The following PTCD2 variants were observed in gnomAD, a reference collection of about 807,000 sequenced individuals.
The protein encoded by PTCD2 is pentatricopeptide repeat domain 2, also known as pentatricopeptide repeat-containing protein 2, mitochondrial.
In PTCD2, 31 loss-of-function variants were observed where a neutral mutation model predicts 42.6. That is an observed-to-expected ratio of 0.73 (90% CI 0.55 to 0.98). The LOEUF (loss-of-function observed/expected upper bound fraction) is 0.98, where lower values mean the gene tolerates loss of function less well. Among genes scored for constraint, PTCD2 ranks in the 50% least tolerant of loss-of-function variants. The pLI, the probability that PTCD2 is intolerant of heterozygous loss-of-function variation, is 0.00. For synonymous variants in PTCD2, 183 were observed against 170.9 expected, an observed-to-expected ratio of 1.07 and a Z score of -0.55; for missense variants, 476 against 454.8, an observed-to-expected ratio of 1.05 and a Z score of -0.42.
intron 1 of PTCD2, chr5:72,321,278 A>G (rs997610694): frequency 8.5e-5 from 13 of 152,248 alleles, no homozygotes; most frequent in African/African-American, 3.1e-4. Context: ...TTTGTCAGGC[A>G]TTACTTTAAT....
chr5:72,342,125 G>T (rs1403060237), intron 7 of PTCD2, among the ~76,000 whole-genome samples: 1 of 151,908 alleles, frequency 6.6e-6, no homozygotes, highest in Non-Finnish European at 1.5e-5. Flanking sequence ...TTTTAGACCG[G>T]TCATTTGTAG....
rs2112264074 is a variant in PTCD2 at position 72,366,605 on chromosome 5, AG to A, written c.*8179del. 6.6e-6 allele frequency: 1 copy of A among 152,346 alleles called. No homozygotes were observed. The highest frequency in any genetic ancestry group is 2.4e-5 in the African/African-American group (1 of 41,578). The allele number at this position is 152,346 out of a possible 1,614,324, so 9.4% of individuals were successfully genotyped here. ...TTTTTAAAAGGTGCTAGTTTTCAAA[AG>A]CATTTCTGGAATTCAGAGAGAACAG... On this transcript the variant is annotated 3_prime_UTR_variant, in exon 10 of 10. Transcript: ENST00000380639.
intron 8 of PTCD2, among the ~76,000 whole-genome samples, chr5:72,351,545 A>C (rs1034683903): frequency 6.6e-6 from 1 of 152,214 alleles, no homozygotes; most frequent in African/African-American, 2.4e-5. Context: ...AAAGGAAAGA[A>C]GTTTAATTGA....
Position 72,366,160 on chromosome 5 carries a change from G to A in PTCD2, c.*7733G>A, listed in dbSNP as rs1032090105. On this transcript the variant is annotated 3_prime_UTR_variant, in exon 10 of 10. Transcript: ENST00000380639. ...GAACCTGGGAGACGGAGGTTACAGTGAGCCTAGACTGCGCCATTGCACTCT... is the reference window on the plus strand; with the variant it reads ...GAACCTGGGAGACGGAGGTTACAGTAAGCCTAGACTGCGCCATTGCACTCT... The A allele has an allele frequency of 1.3e-5, 2 of 152,172 alleles. No individual in the cohort carries two copies. Among genetic ancestry groups the A allele is most frequent in the African/African-American group, 2.4e-5 (1 of 41,436 alleles). The allele number at this position is 152,172 out of a possible 1,614,324, so 9.4% of individuals were successfully genotyped here. A position where few individuals can be genotyped will look rare whatever the true frequency, so the allele number is the denominator to read the frequency against.
At chr5:72,336,747 T>C (rs1008832864) in intron 6 of PTCD2, among the ~76,000 whole-genome samples, 1 of 151,890 alleles carries the variant, frequency 6.6e-6, no homozygotes, top group Admixed American at 6.6e-5. Flanking sequence ...TTATTATTAC[T>C]GTACCAGGAT....
chr5:72,352,843 TA>T, intron 9 of PTCD2, 89 bp downstream of exon 9: 1 of 679,490 alleles, frequency 1.5e-6, no homozygotes, highest in South Asian at 2.1e-5. Flanking sequence ...AAGCTTACCT[TA>T]AAGAAATTGC....
intron 3 of PTCD2, among the ~76,000 whole-genome samples, chr5:72,327,045 T>C (rs1336768668): frequency 1.3e-5 from 2 of 152,176 alleles, no homozygotes; most frequent in Non-Finnish European, 2.9e-5. Context: ...ACAAATTCAC[T>C]CCTCTTCTTC....
At chr5:72,330,732 C>T (rs191883254) in intron 3 of PTCD2, among the ~76,000 whole-genome samples, 10 of 152,176 alleles carry the variant, frequency 6.6e-5, no homozygotes, top group Non-Finnish European at 1.3e-4. Flanking sequence ...TTTGTTTAGC[C>T]AGGTGATCAT....
chr5:72,322,327 C>A, intron 2 of PTCD2, 63 bp downstream of exon 2: 1 of 1,024,774 alleles, frequency 9.8e-7, no homozygotes, highest in Non-Finnish European at 1.5e-6. Context: ...CTGTCTTTAT[C>A]CCTATTCAGT....
At chr5:72,347,226 A>G (rs972726183) in intron 8 of PTCD2, among the ~76,000 whole-genome samples, 5 of 152,222 alleles carry the variant, frequency 3.3e-5, no homozygotes, top group Admixed American at 6.5e-5. Context: ...GAGATGAAAA[A>G]GGTGCGTCTC....
In PTCD2 at chr5:72,360,082, G is replaced by T. The variant is rs369798949; in HGVS notation, c.*1655G>T. The T allele has an allele frequency of 6.6e-6, 1 of 152,010 alleles. No individual in the cohort carries two copies. Among genetic ancestry groups the T allele is most frequent in the South Asian group, 2.1e-4 (1 of 4,818 alleles). The allele number at this position is 152,010 out of a possible 1,614,324, so 9.4% of individuals were successfully genotyped here. A position where few individuals can be genotyped will look rare whatever the true frequency, so the allele number is the denominator to read the frequency against. ...TAAAAACAAATGAGTTCTTCCTTCTGCTCAAAAATATTGAATTTCTTGTCC... is the reference window on the plus strand; with the variant it reads ...TAAAAACAAATGAGTTCTTCCTTCTTCTCAAAAATATTGAATTTCTTGTCC... On this transcript the variant is annotated 3_prime_UTR_variant, in exon 10 of 10. Transcript: ENST00000380639.
chr5:72,358,485 T>C lies in PTCD2; in HGVS notation c.*58T>C. 7.7e-7 allele frequency: 1 copy of C among 1,297,186 alleles called. No individual in the cohort carries two copies. 80.4% of individuals were successfully genotyped at this position (1,297,186 alleles called of 1,614,324 possible). ...GCCTGCTTCTAGTGAGTTATTACCT[T>C]TCCTAAGAAGCCAGGTATCGCACTT... On this transcript the variant is annotated 3_prime_UTR_variant, in exon 10 of 10. Transcript: ENST00000380639.
intron 8 of PTCD2, among the ~76,000 whole-genome samples, chr5:72,349,066 T>C (rs541537307): frequency 6.6e-6 from 1 of 152,340 alleles, no homozygotes; most frequent in African/African-American, 2.4e-5. Context: ...CTGTACAAAT[T>C]AGAGCATTTA....
rs1753091865 is a variant in PTCD2 at position 72,361,385 on chromosome 5, GC to G, written c.*2959del. 6.6e-6 allele frequency: 1 copy of G among 152,198 alleles called. No individual in the cohort carries two copies. Among genetic ancestry groups the G allele is most frequent in the Non-Finnish European group, 1.5e-5 (1 of 68,054 alleles). 9.4% of individuals were successfully genotyped at this position (152,198 alleles called of 1,614,324 possible). A position where few individuals can be genotyped will look rare whatever the true frequency, so the allele number is the denominator to read the frequency against. On this transcript the variant is annotated 3_prime_UTR_variant, in exon 10 of 10. Transcript: ENST00000380639. Reference sequence around the variant, plus strand: ...CTCAAAGGCTTCCTTAGTATTTCTGGCAGTTGATGCTAGGACCTCAGCTAGT... The same window carrying G: ...CTCAAAGGCTTCCTTAGTATTTCTGGAGTTGATGCTAGGACCTCAGCTAGT...
At chr5:72,356,327 C>T (rs1752872507) in intron 9 of PTCD2, among the ~76,000 whole-genome samples, 1 of 152,190 alleles carries the variant, frequency 6.6e-6, no homozygotes, top group Admixed American at 6.5e-5. Context: ...ATATAAGACT[C>T]TTGTACTTAG....
At chr5:72,326,465 G>A in intron 2 of PTCD2, 147 bp from the exon 3 acceptor site, 1 of 761,334 alleles carries the variant, frequency 1.3e-6, no homozygotes, top group Non-Finnish European at 2.2e-6. Context: ...GAGGAGATTG[G>A]CCAGTGATGG....
chr5:72,321,815 T>C (rs1021804720), intron 1 of PTCD2, among the ~76,000 whole-genome samples: 2 of 152,154 alleles, frequency 1.3e-5, no homozygotes, highest in South Asian at 2.1e-4. Flanking sequence ...TTAAATGTTA[T>C]TAGTTTTTTT....
chr5:72,329,089 A>G (rs1458712323), intron 3 of PTCD2, among the ~76,000 whole-genome samples: 4 of 152,078 alleles, frequency 2.6e-5, no homozygotes, highest in African/African-American at 7.2e-5. Flanking sequence ...AAGCTATTCA[A>G]TGTTTATAAG....
chr5:72,352,850 A>G, intron 9 of PTCD2, 96 bp downstream of exon 9: 1 of 635,818 alleles, frequency 1.6e-6, no homozygotes, highest in East Asian at 2.9e-5. Context: ...CCTTAAAGAA[A>G]TTGCCAAATA....
Sources: gnomAD v4.1 joint callset for allele counts (sites outside exome capture counted in the v4.1 genomes callset) on GRCh38, gnomAD v4.1.1 for gene constraint, MANE v1.5 for transcripts, NCBI Gene and HGNC (gene_info 2026-07-23, HGNC 2026-07-21) for gene names.